The following PLXNC1 variants were observed in gnomAD, a reference collection of about 807,000 sequenced individuals.
PLXNC1 encodes plexin C1.
PLXNC1 carries 75 observed loss-of-function variants against 178.2 expected under a neutral mutation model. That is an observed-to-expected ratio of 0.42 (90% CI 0.35 to 0.51). The LOEUF is 0.51. Ranked by LOEUF, PLXNC1 falls within the 20% of genes least tolerant of loss-of-function variation. The pLI is 0.02. For synonymous variants in PLXNC1, 790 were observed against 779.9 expected, an observed-to-expected ratio of 1.01 and a Z score of -0.22; for missense variants, 1,503 against 1,984.4, an observed-to-expected ratio of 0.76 and a Z score of 4.61.
intron 1 of PLXNC1, among the ~76,000 whole-genome samples, chr12:94,152,588 G>A (rs1420954539): frequency 2.0e-5 from 3 of 152,216 alleles, no homozygotes; most frequent in Admixed American, 1.3e-4. Flanking sequence ...CCTAAAACAG[G>A]AGCAGGACTT....
chr12:94,282,981 CAG>C (rs1966560035), intron 23 of PLXNC1: 2 of 152,840 alleles, frequency 1.3e-5, no homozygotes, highest in Non-Finnish European at 2.9e-5. Context: ...CATAACAAGA[CAG>C]AGGAGGCAGT....
intron 9 of PLXNC1, among the ~76,000 whole-genome samples, chr12:94,229,893 T>C (rs1216644404): frequency 6.6e-6 from 1 of 152,268 alleles, no homozygotes; most frequent in East Asian, 1.9e-4. Flanking sequence ...CTTTTAATTT[T>C]GAGATAATTG....
rs535421719 is a variant in PLXNC1, at chr12:94,166,244, T to G, written c.1063-2909T>G. Among the ~76,000 whole-genome samples, 8 of 152,328 alleles carry G rather than the reference T, an allele frequency of 5.3e-5. No homozygotes were observed. In the South Asian group the frequency reaches 1.7e-3, roughly 32 times the overall value. ...ATGTGTTGCTATGTGCCAAACCTGT[T>G]CTAAGCTTTACTGAGGCTTACGCAC... is the stretch of plus-strand genomic sequence containing the variant. On this transcript the variant is annotated intron_variant, in intron 1 of 30. Coordinates refer to ENST00000258526, the MANE Select transcript of PLXNC1 (RefSeq NM_005761.3).
At chr12:94,293,236 G>A (rs1454150693) in intron 23 of PLXNC1, among the ~76,000 whole-genome samples, 2 of 152,158 alleles carry the variant, frequency 1.3e-5, no homozygotes, top group Non-Finnish European at 2.9e-5. Context: ...TCTGATGATG[G>A]ATGTTTGAGT....
At chr12:94,207,901 C>G (rs1376664053) in intron 4 of PLXNC1, among the ~76,000 whole-genome samples, 2 of 152,166 alleles carry the variant, frequency 1.3e-5, no homozygotes, top group Non-Finnish European at 2.9e-5. Context: ...TATTTGTACT[C>G]CAGTCTCTTC....
At position 94,226,683 on chromosome 12, in the gene PLXNC1, C is replaced by A. The variant is rs1159593538; in HGVS notation, c.1869C>A (p.Asp623Glu). 1 of 1,612,978 alleles carries A rather than the reference C, an allele frequency of 6.2e-7. No individual in the cohort carries two copies. The highest frequency in any genetic ancestry group is 2.2e-5 in the East Asian group (1 of 44,864). ...GTATCCACCCCTTCACAGCTTGCGA[C>A]CCTTCTGATTATGAGAGAAACCAGG... Reference protein sequence around the residue: ...RRCIHPFTACDPSDYERNQEQ... With the variant: ...RRCIHPFTACEPSDYERNQEQ... Residue 623 changes from aspartate (D) to glutamate (E), a missense_variant, in exon 8 of 31, where the codon GAC becomes GAA. Physicochemically the swap from Asp to Glu is conservative, Grantham distance 45. This residue lies in a region of PLXNC1 where 615 missense variants were observed against 698.6 expected (regional missense o/e 0.88). Transcript: ENST00000258526.
chr12:94,266,818 G>A (rs1965270849), intron 21 of PLXNC1, among the ~76,000 whole-genome samples: 1 of 152,236 alleles, frequency 6.6e-6, no homozygotes, highest in Non-Finnish European at 1.5e-5. Context: ...AGGCATGTGA[G>A]TGCTACCTAA....
rs2230755 is a variant in PLXNC1 at position 94,237,720 on chromosome 12, C to T, written c.2037C>T (p.Asn679=). The T allele has an allele frequency of 0.042, 68,075 of 1,613,260 alleles. 2,050 individuals are homozygous for T. The highest frequency in any genetic ancestry group is 0.14 in the African/African-American group (10,126 of 74,910). The change falls in exon 10 of 31, where the codon AAC becomes AAT. Residue 679 remains asparagine, a synonymous_variant. Coordinates refer to ENST00000258526, the MANE Select transcript of PLXNC1 (RefSeq NM_005761.3). ...AAGTATCGACATTAGGGAAAAGCAA[C>T]GTGATAGTAACGGGAGCAAACTTTA... ...PQKVSTLGKS[N]VIVTGANFTR... is the part of the protein sequence containing the mutation.
chr12:94,266,544 C>T (rs1416074788), intron 21 of PLXNC1, among the ~76,000 whole-genome samples: 1 of 152,220 alleles, frequency 6.6e-6, no homozygotes, highest in African/African-American at 2.4e-5. Flanking sequence ...TGAGAATTCA[C>T]TTCCCTAACC....
intron 9 of PLXNC1, among the ~76,000 whole-genome samples, chr12:94,233,232 G>A (rs1355132104): frequency 1.3e-5 from 2 of 152,212 alleles, no homozygotes; most frequent in African/African-American, 2.4e-5. Context: ...AGGGAGAGCA[G>A]AATAGGCTTA....
chr12:94,197,831 G>A (rs1962973244), intron 4 of PLXNC1, among the ~76,000 whole-genome samples: 1 of 152,170 alleles, frequency 6.6e-6, no homozygotes, highest in Non-Finnish European at 1.5e-5. Context: ...CATGGCAGTG[G>A]GTGGAGAGGG....
intron 20 of PLXNC1, chr12:94,262,706 GTCC>G: frequency 2.0e-6 from 2 of 985,454 alleles, no homozygotes; most frequent in Non-Finnish European, 2.4e-6. Flanking sequence ...GACAGCCCTA[GTCC>G]TCCTGTCCTA....
chr12:94,254,907 T>G lies in PLXNC1; in HGVS notation c.2983+19T>G. On this transcript the variant is annotated intron_variant, in intron 16 of 30. Transcript: ENST00000258526. ...CGTGACGGTAGGCTCCAAAATTGTG[T>G]TTGTAGAAAAACAAGCCTTTTATAT... The G allele has an allele frequency of 1.3e-6, 2 of 1,580,628 alleles. No individual in the cohort carries two copies. Among genetic ancestry groups the G allele is most frequent in the Non-Finnish European group, 1.7e-6 (2 of 1,156,184 alleles).
At chr12:94,163,428 G>A (rs888176852) in intron 1 of PLXNC1, among the ~76,000 whole-genome samples, 1 of 152,088 alleles carries the variant, frequency 6.6e-6, no homozygotes, top group Non-Finnish European at 1.5e-5. Context: ...ATATACTTTT[G>A]TAAATTATTT....
chr12:94,199,791 T>G (rs7978724), intron 4 of PLXNC1, among the ~76,000 whole-genome samples: 68,922 of 151,272 alleles, frequency 0.46, 16,327 homozygotes, highest in African/African-American at 0.57. Flanking sequence ...TGTTTGTTTG[T>G]TTGGTTGGTT....
Position 94,148,958 on chromosome 12 carries a change from GCCC to G in PLXNC1, c.-9_-7del. 8.9e-7 allele frequency: 1 copy of G among 1,128,472 alleles called. No homozygotes were observed. Among genetic ancestry groups the G allele is most frequent in the Non-Finnish European group, 1.1e-6 (1 of 887,342 alleles). 69.9% of individuals were successfully genotyped at this position (1,128,472 alleles called of 1,614,324 possible). On this transcript the variant is annotated 5_prime_UTR_variant, in exon 1 of 31. Coordinates refer to ENST00000258526, the MANE Select transcript of PLXNC1 (RefSeq NM_005761.3). This position sits in a 1 kb window ranked among gnomAD's most constrained non-coding sequence, Gnocchi z 4.8. ...CCGCCGCGCGCCCTGCCCGGGGGCGGCCCCCCCAGCCCCATGGAGGTCTCCCGG... is the reference window on the plus strand; with the variant it reads ...CCGCCGCGCGCCCTGCCCGGGGGCGGCCCCAGCCCCATGGAGGTCTCCCGG...
chr12:94,201,785 T>G, intron 4 of PLXNC1, among the ~76,000 whole-genome samples: 1 of 89,150 alleles, frequency 1.1e-5, no homozygotes, highest in Admixed American at 1.5e-4. Context: ...TTTTTTTTTT[T>G]TGAGACAGAG....
rs373240162 is a variant in PLXNC1 at position 94,186,753 on chromosome 12, T to C, written c.1439+280T>C. 2.9e-4 allele frequency: 97 copies of C among 330,320 alleles called. 1 individual carries two copies. The South Asian group carries it at 3.7e-3, about 12-fold the overall frequency. 20.5% of individuals were successfully genotyped at this position (330,320 alleles called of 1,614,324 possible). A position where few individuals can be genotyped will look rare whatever the true frequency, so the allele number is the denominator to read the frequency against. ...GGAGAGAGCAGGCAGGTTTGGCTTT[T>C]ACTTTCTCCAGAGTTCGCCAAGACT... On this transcript the variant is annotated intron_variant, in intron 4 of 30. Transcript: ENST00000258526.
chr12:94,240,700 G>C lies in PLXNC1; in HGVS notation c.2300+36G>C, dbSNP rs377715627. 1.6e-5 allele frequency: 24 copies of C among 1,494,260 alleles called. No homozygotes were observed. The African/African-American group carries it at 3.2e-4, about 20-fold the overall frequency. The allele number at this position is 1,494,260 out of a possible 1,614,324, so 92.6% of individuals were successfully genotyped here. A position where few individuals can be genotyped will look rare whatever the true frequency, so the allele number is the denominator to read the frequency against. Reference sequence around the variant, plus strand: ...GATTCATAATCTTTTTCTCATTGTGGTTAAAGGTCATATGCCCAAAGATCA... The same window carrying C: ...GATTCATAATCTTTTTCTCATTGTGCTTAAAGGTCATATGCCCAAAGATCA... On this transcript the variant is annotated intron_variant, in intron 11 of 30. Transcript: ENST00000258526.
Sources: gnomAD v4.1 joint callset for allele counts (sites outside exome capture counted in the v4.1 genomes callset) on GRCh38, gnomAD v4.1.1 for gene constraint, gnomAD v4.1.1 regional missense constraint, Gnocchi (gnomAD v3.1) non-coding constraint, MANE v1.5 for transcripts, NCBI Gene and HGNC (gene_info 2026-07-23, HGNC 2026-07-21) for gene names.